Variants in ANAPC2 observed in about 807,000 individuals in gnomAD.
The protein encoded by ANAPC2 is anaphase-promoting complex subunit 2.
A neutral mutation model predicts 84.3 loss-of-function variants in ANAPC2; 29 were observed. That is an observed-to-expected ratio of 0.34 (90% CI 0.26 to 0.47). The LOEUF (loss-of-function observed/expected upper bound fraction) is 0.47. Ranked by LOEUF, ANAPC2 falls within the 20% of genes least tolerant of loss-of-function variation. The pLI, the probability that ANAPC2 is intolerant of heterozygous loss-of-function variation, is 1.00. For missense variants in ANAPC2, 857 were observed against 1,131.7 expected, an observed-to-expected ratio of 0.76 and a Z score of 3.48; for synonymous variants, 571 against 479.4, an observed-to-expected ratio of 1.19 and a Z score of -2.50.
chr9:137,187,485 C>T lies in ANAPC2; in HGVS notation c.736G>A (p.Val246Ile), dbSNP rs568744371. 9 of 1,604,838 alleles carry T rather than the reference C, an allele frequency of 5.6e-6. No homozygotes were observed. The highest frequency in any genetic ancestry group is 1.7e-5 in the Admixed American group (1 of 59,808). The change falls in exon 2 of 13, where the codon GTC (valine) becomes ATC (isoleucine). Residue 246 changes from valine (V) to isoleucine (I), a missense_variant. Transcript: ENST00000323927. The stretch of plus-strand genomic sequence containing the variant: ...CCATCGGGACAGACTACTCACAAGA[C>T]CTGGCTGAGCTGATGGAACTGCTCC... ...ALEQFHQLSQVLHRLSLLERV... is the reference protein window; with the variant it reads ...ALEQFHQLSQILHRLSLLERV...
intron 4 of ANAPC2, 47 bp from the exon 5 acceptor site, chr9:137,183,838 C>T (rs1834394367): frequency 6.2e-7 from 1 of 1,603,058 alleles, no homozygotes; most frequent in African/African-American, 1.3e-5. Context: ...GATGCGTGCG[C>T]ACGTGCAGGC....
At position 137,177,830 on chromosome 9, in the gene ANAPC2, A is replaced by G. The variant is rs199881954; in HGVS notation, c.1891-1993T>C. Among the ~76,000 whole-genome samples, 3 of 152,326 alleles carry G rather than the reference A, an allele frequency of 2.0e-5. No individual in the cohort carries two copies. In the East Asian group the frequency reaches 5.8e-4, roughly 29 times the overall value. On this transcript the variant is annotated intron_variant, in intron 10 of 12. Transcript: ENST00000323927. ...GTTCTTCTAAGAGGGAGATAGGAACAGAGACACGGGGGAACATCACGGGCG... is the reference window on the plus strand; with the variant it reads ...GTTCTTCTAAGAGGGAGATAGGAACGGAGACACGGGGGAACATCACGGGCG...
intron 5 of ANAPC2, 46 bp from the exon 6 acceptor site, chr9:137,183,288 C>T (rs1834382690): frequency 6.7e-7 from 1 of 1,500,220 alleles, no homozygotes; most frequent in South Asian, 1.1e-5. Context: ...CCCGGGACCA[C>T]AGCCTCCCAG....
At chr9:137,179,751 T>G (rs1834300651) in intron 10 of ANAPC2, among the ~76,000 whole-genome samples, 1 of 151,978 alleles carries the variant, frequency 6.6e-6, no homozygotes, top group Non-Finnish European at 1.5e-5. Flanking sequence ...CGCCTGGGAG[T>G]GCTGCCCTGG....
chr9:137,178,214 ACGC>A (rs10561545), intron 10 of ANAPC2, among the ~76,000 whole-genome samples: 40,264 of 151,906 alleles, frequency 0.27, 5,597 homozygotes, highest in African/African-American at 0.34. Context: ...ACCTCCACAA[ACGC>A]CGCCACTGGT....
In ANAPC2 at chr9:137,185,097, G is replaced by T; in HGVS notation, c.874-10C>A. On this transcript the variant is annotated splice_polypyrimidine_tract_variant and intron_variant, in intron 3 of 12. Coordinates refer to ENST00000323927, the MANE Select transcript of ANAPC2 (RefSeq NM_013366.4). ...CCACCCGCTCGATCCACTGTCAGGA[G>T]AACGCTAGTGTGAGCTGCAGGGAGG... 4 of 1,525,832 alleles carry T rather than the reference G, an allele frequency of 2.6e-6. No homozygotes were observed. Among genetic ancestry groups the T allele is most frequent in the Non-Finnish European group, 3.5e-6 (4 of 1,136,376 alleles). The allele number at this position is 1,525,832 out of a possible 1,614,324, so 94.5% of individuals were successfully genotyped here.
intron 10 of ANAPC2, among the ~76,000 whole-genome samples, chr9:137,177,805 GTTC>G (rs1834256482): frequency 6.6e-6 from 1 of 151,940 alleles, no homozygotes. Flanking sequence ...TAGAGAGAGT[GTTC>G]TTCTAAGAGG....
intron 10 of ANAPC2, chr9:137,176,046 G>T (rs1002679282): frequency 5.4e-6 from 3 of 558,978 alleles, no homozygotes; most frequent in Admixed American, 3.5e-5. Context: ...GCATCATAAG[G>T]TGTGTCCCGA....
At chr9:137,175,675 C>T (rs374198307) in intron 11 of ANAPC2, 33 bp downstream of exon 11, 75 of 1,595,916 alleles carry the variant, frequency 4.7e-5, no homozygotes, top group Admixed American at 1.7e-4. Flanking sequence ...GCCGTGTGGC[C>T]GGGGCAGGCC....
In ANAPC2 at chr9:137,179,810, G is replaced by C. The variant is rs554216787; in HGVS notation, c.1890+371C>G. ...AGCTGCCTCCCTGCAGTGACGCAAG[G>C]CACCCCAAGCCCCGGTTCTGAGAGG... On this transcript the variant is annotated intron_variant, in intron 10 of 12. Transcript: ENST00000323927. Among the ~76,000 whole-genome samples the C allele has an allele frequency of 3.9e-5, 6 of 152,338 alleles. No individual in the cohort carries two copies. The South Asian group carries it at 1.0e-3, about 26-fold the overall frequency.
intron 10 of ANAPC2, chr9:137,176,831 T>C (rs1326928889): frequency 7.2e-5 from 11 of 152,186 alleles, no homozygotes; most frequent in Admixed American, 7.2e-4. Flanking sequence ...CAAGCTGAGA[T>C]TTCCAAGCAG....
intron 2 of ANAPC2, chr9:137,186,968 C>T (rs1210389995): frequency 5.9e-6 from 1 of 168,940 alleles, no homozygotes; most frequent in Non-Finnish European, 1.3e-5. Context: ...AAAACCACCA[C>T]AAATGGCCAA....
At chr9:137,178,851 G>T (rs1834279550) in intron 10 of ANAPC2, among the ~76,000 whole-genome samples, 1 of 152,190 alleles carries the variant, frequency 6.6e-6, no homozygotes, top group African/African-American at 2.4e-5. Flanking sequence ...CTGCCCTGGG[G>T]GCCTCCGCCT....
intron 4 of ANAPC2, 144 bp from the exon 5 acceptor site, chr9:137,183,935 C>G (rs1404191327): frequency 4.5e-6 from 5 of 1,102,348 alleles, no homozygotes; most frequent in Non-Finnish European, 6.5e-6. Flanking sequence ...CACCAGACAT[C>G]CCCCCGACAC....
chr9:137,182,011 C>G lies in ANAPC2; in HGVS notation c.1287-149G>C. On this transcript the variant is annotated intron_variant, in intron 6 of 12. Transcript: ENST00000323927. ...ATGGGCTATGTACTAAACACAGGCC[C>G]GTCAGACTCCTTAAAAACAAATAAA... 6 of 805,438 alleles carry G rather than the reference C, an allele frequency of 7.4e-6. No individual in the cohort carries two copies. The South Asian group carries it at 1.3e-4, about 18-fold the overall frequency. 49.9% of individuals were successfully genotyped at this position (805,438 alleles called of 1,614,324 possible).
chr9:137,176,131 T>TGTGGAAATGTGGCCATATTTGCA, intron 10 of ANAPC2: 1 of 312,050 alleles, frequency 3.2e-6, no homozygotes, highest in African/African-American at 2.2e-5. Context: ...GATGCAGATG[T>TGTGGAAATGTGGCCATATTTGCA]AACTGAGGTG....
At chr9:137,184,265 G>C (rs1177498776) in intron 4 of ANAPC2, among the ~76,000 whole-genome samples, 1 of 151,304 alleles carries the variant, frequency 6.6e-6, no homozygotes, top group East Asian at 2.0e-4. Flanking sequence ...ACACAGAGCA[G>C]ACACGGCGAA....
Position 137,187,839 on chromosome 9 carries a change from T to C in ANAPC2, c.382A>G (p.Ser128Gly). 6.2e-7 allele frequency: 1 copy of C among 1,613,598 alleles called. No homozygotes were observed. Among genetic ancestry groups the C allele is most frequent in the Non-Finnish European group, 8.5e-7 (1 of 1,180,032 alleles). Reference sequence around the variant, plus strand: ...GTCCATTTCTCCAGCAGCTCTAGGCTACGCAGGTAGGGATCCAGGCGGCTC... The same window carrying C: ...GTCCATTTCTCCAGCAGCTCTAGGCCACGCAGGTAGGGATCCAGGCGGCTC... ...LESRLDPYLR[S>G]LELLEKWTRL... Residue 128 changes from serine to glycine, a missense_variant, in exon 2 of 13, where the codon AGC becomes GGC. Coordinates refer to ENST00000323927, the MANE Select transcript of ANAPC2 (RefSeq NM_013366.4).
At chr9:137,186,864 C>T (rs1422724733) in intron 2 of ANAPC2, 2 of 164,368 alleles carry the variant, frequency 1.2e-5, no homozygotes, top group African/African-American at 4.8e-5. Context: ...GTCTCCCTGA[C>T]CCCTGCCAGC....
Sources: allele counts gnomAD v4.1 joint callset (sites outside exome capture counted in the v4.1 genomes callset), GRCh38; gene constraint gnomAD v4.1.1; transcripts MANE v1.5; gene names NCBI Gene and HGNC (gene_info 2026-07-23, HGNC 2026-07-21).